The following LONRF1 variants were observed in gnomAD, a reference collection of about 807,000 sequenced individuals.
LONRF1 encodes LON peptidase N-terminal domain and RING finger protein 1.
A neutral mutation model predicts 85.8 loss-of-function variants in LONRF1; 37 were observed. The ratio of observed to expected loss-of-function variants is 0.43; its 90% confidence interval spans 0.33 to 0.57. The LOEUF (loss-of-function observed/expected upper bound fraction) is 0.57, where lower values mean the gene tolerates loss of function less well. Among genes scored for constraint, LONRF1 ranks in the 20% least tolerant of loss-of-function variants. LONRF1 has a pLI of 0.04. For missense variants in LONRF1, 1,036 were observed against 978.0 expected, an observed-to-expected ratio of 1.06 and a Z score of -0.79; for synonymous variants, 517 against 390.1, an observed-to-expected ratio of 1.33 and a Z score of -3.83.
At position 12,731,714 on chromosome 8, in the gene LONRF1, T is replaced by G. The variant is rs759984230; in HGVS notation, c.1688+22A>C. ...TATTAAAGGGTAGTAGTTCATAATTTTTTTTATGAGAAGAAACTTACTGTG... is the reference window on the plus strand; with the variant it reads ...TATTAAAGGGTAGTAGTTCATAATTGTTTTTATGAGAAGAAACTTACTGTG... On this transcript the variant is annotated intron_variant, in intron 8 of 11. Coordinates refer to ENST00000398246, the MANE Select transcript of LONRF1 (RefSeq NM_152271.5). 2.5e-6 allele frequency: 4 copies of G among 1,600,756 alleles called. No homozygotes were observed. The South Asian group carries it at 3.4e-5, about 14-fold the overall frequency.
At position 12,743,221 on chromosome 8, in the gene LONRF1, A is replaced by T. The variant is rs779379294; in HGVS notation, c.783T>A (p.Phe261Leu). 1 of 1,613,444 alleles carries T rather than the reference A, an allele frequency of 6.2e-7. No homozygotes were observed. The highest frequency in any genetic ancestry group is 1.7e-5 in the Admixed American group (1 of 59,966). Reference protein sequence around the residue: ...RAESYAGLQEFKAAIEDLNAV... With the variant: ...RAESYAGLQELKAAIEDLNAV... ...CATTTAAATCTTCTATGGCTGCTTT[A>T]AACTCTTGGAGACCAGCATATGATT... Residue 261 changes from phenylalanine to leucine, a missense_variant, in exon 2 of 12, where the codon TTT becomes TTA. Around this residue, in one of 3 missense-constraint regions of LONRF1, gnomAD observed 742 missense variants for 614.4 expected, o/e 1.21. Coordinates refer to ENST00000398246, the MANE Select transcript of LONRF1 (RefSeq NM_152271.5).
At chr8:12,723,345 A>G (rs1805999548) in intron 11 of LONRF1, 91 bp from the exon 12 acceptor site, 2 of 1,221,762 alleles carry the variant, frequency 1.6e-6, no homozygotes. Context: ...TTTATTGAGC[A>G]CTTGTACTAT....
At chr8:12,727,939 A>C (rs1798383433) in intron 10 of LONRF1, among the ~76,000 whole-genome samples, 1 of 152,208 alleles carries the variant, frequency 6.6e-6, no homozygotes, top group Non-Finnish European at 1.5e-5. Context: ...GTTTGCTTTA[A>C]TCATTTTTGT....
intron 2 of LONRF1, among the ~76,000 whole-genome samples, chr8:12,741,533 A>G (rs10098478): frequency 1.3e-5 from 2 of 152,204 alleles, no homozygotes; most frequent in African/African-American, 4.8e-5. Context: ...TTCCACACCA[A>G]GTCAGAGCTG....
Position 12,723,089 on chromosome 8 carries a change from GAGTT to G in LONRF1, c.*3_*6del. On this transcript the variant is annotated 3_prime_UTR_variant, in exon 12 of 12. Transcript: ENST00000398246. Reference sequence around the variant, plus strand: ...GGGTCACTTTAAAGGGAGATCCAAAGAGTTAGTTACTTAGATTGGTCTCTAGAAA... The same window carrying G: ...GGGTCACTTTAAAGGGAGATCCAAAGAGTTACTTAGATTGGTCTCTAGAAA... 2 of 1,606,360 alleles carry G rather than the reference GAGTT, an allele frequency of 1.2e-6. No homozygotes were observed. The highest frequency in any genetic ancestry group is 1.7e-6 in the Non-Finnish European group (2 of 1,176,106).
In LONRF1 at chr8:12,755,040, C is replaced by A; in HGVS notation, c.381G>T (p.Arg127=). 1.3e-6 allele frequency: 2 copies of A among 1,490,812 alleles called. No individual in the cohort carries two copies. The highest frequency in any genetic ancestry group is 1.8e-6 in the Non-Finnish European group (2 of 1,127,096). The allele number at this position is 1,490,812 out of a possible 1,614,324, so 92.3% of individuals were successfully genotyped here. A position where few individuals can be genotyped will look rare whatever the true frequency, so the allele number is the denominator to read the frequency against. The change falls in exon 1 of 12, where the codon CGG becomes CGT. Residue 127 remains arginine (R), a synonymous_variant. Transcript: ENST00000398246. The part of the protein sequence containing the change: ...AGGLLRCLGC[R]GFLSEPVTVP... ...CGGTCACCGGCTCGCTCAGGAAGCCCCGGCAGCCCAGGCATCTGAGGAGCC... is the reference window on the plus strand; with the variant it reads ...CGGTCACCGGCTCGCTCAGGAAGCCACGGCAGCCCAGGCATCTGAGGAGCC...
intron 1 of LONRF1, among the ~76,000 whole-genome samples, chr8:12,752,725 C>G (rs1010289003): frequency 6.6e-6 from 1 of 152,186 alleles, no homozygotes; most frequent in Admixed American, 6.5e-5. Context: ...GAATGTTAAG[C>G]TAGACCTCAA....
chr8:12,729,183 G>C lies in LONRF1; in HGVS notation c.1838C>G (p.Thr613Arg). The stretch of plus-strand genomic sequence containing the variant: ...TTCACAAAAAGCATACCTATTTTGT[G>C]TATCACTGACACACATGCCAAACTG... ...TKQFGMCVSD[T>R]QNSFADYGCM... The change falls in exon 9 of 12, where the codon ACA becomes AGA. Residue 613 changes from threonine (T) to arginine (R), a missense_variant. Transcript: ENST00000398246. 2 of 1,613,902 alleles carry C rather than the reference G, an allele frequency of 1.2e-6. No individual in the cohort carries two copies. The highest frequency in any genetic ancestry group is 1.1e-5 in the South Asian group (1 of 91,060).
rs1490998524 is a variant in LONRF1, at chr8:12,735,329, T to A, written c.1523A>T (p.Asp508Val). ...FCKNCLERCL[D>V]HAPYCPLCKE... ...GCAAAGAGGACAATATGGTGCATGA[T>A]CTAAACAACGCTCAAGACAATTCTT... Residue 508 changes from aspartate (D) to valine (V), a missense_variant, in exon 7 of 12, where the codon GAT becomes GTT. By Grantham distance (152) the Asp-to-Val change is radical. Around this residue, in one of 3 missense-constraint regions of LONRF1, gnomAD observed 29 missense variants for 62.1 expected, o/e 0.47. Coordinates refer to ENST00000398246, the MANE Select transcript of LONRF1 (RefSeq NM_152271.5). 1 of 1,608,138 alleles carries A rather than the reference T, an allele frequency of 6.2e-7. No individual in the cohort carries two copies. The highest frequency in any genetic ancestry group is 8.5e-7 in the Non-Finnish European group (1 of 1,176,540).
Position 12,740,879 on chromosome 8 carries a change from G to C in LONRF1, c.958C>G (p.Gln320Glu), listed in dbSNP as rs767089279. Residue 320 changes from glutamine (Q) to glutamate (E), a missense_variant, in exon 3 of 12, where the codon CAA (glutamine) becomes GAA (glutamate). Gln to Glu is a conservative substitution (Grantham distance 29). Coordinates refer to ENST00000398246, the MANE Select transcript of LONRF1 (RefSeq NM_152271.5). ...ATTGTTGGTAAACTGATTACCTTTT[G>C]TACTTGCAGCTTTGCAGGTGCAAAA... The part of the protein sequence containing the change: ...EDFAPAKLQV[Q>E]KILCDLLLPE... 3.7e-6 allele frequency: 6 copies of C among 1,612,232 alleles called. No individual in the cohort carries two copies. Among genetic ancestry groups the C allele is most frequent in the African/African-American group, 1.3e-5 (1 of 74,602 alleles).
intron 1 of LONRF1, among the ~76,000 whole-genome samples, chr8:12,745,660 C>G (rs1035004876): frequency 1.3e-5 from 2 of 152,182 alleles, no homozygotes; most frequent in African/African-American, 4.8e-5. Context: ...TCCATTACTG[C>G]AGGTATCTGT....
At chr8:12,745,902 C>G (rs1022203055) in intron 1 of LONRF1, among the ~76,000 whole-genome samples, 1 of 152,172 alleles carries the variant, frequency 6.6e-6, no homozygotes, top group Non-Finnish European at 1.5e-5. Context: ...TGCTAGTTGT[C>G]ATGATTTAAC....
At chr8:12,748,369 A>T (rs1799248503) in intron 1 of LONRF1, among the ~76,000 whole-genome samples, 2 of 146,404 alleles carry the variant, frequency 1.4e-5, no homozygotes, top group Admixed American at 1.4e-4. Context: ...CTAATTTTTA[A>T]ATTTTTTTGT....
At chr8:12,735,920 C>T (rs11781870) in intron 6 of LONRF1, among the ~76,000 whole-genome samples, 27,987 of 152,118 alleles carry the variant, frequency 0.18, 3,030 homozygotes, top group East Asian at 0.31. Context: ...GCAGTTGAAT[C>T]CTAATGTTAG....
Position 12,736,905 on chromosome 8 carries a change from T to C in LONRF1, c.1349A>G (p.Gln450Arg), listed in dbSNP as rs1457945459. The change falls in exon 5 of 12, where the codon CAA (glutamine) becomes CGA (arginine). Residue 450 changes from glutamine to arginine, a missense_variant. By Grantham distance (43) the Gln-to-Arg change is conservative. Coordinates refer to ENST00000398246, the MANE Select transcript of LONRF1 (RefSeq NM_152271.5). ...GTGTAGAGCAAAATTTTTACCTCCT[T>C]GTTTTTTCAGCTTATTTCTTCCATC... Reference protein sequence around the residue: ...NEDGRNKLKKQGETPNEVCMF... With the variant: ...NEDGRNKLKKRGETPNEVCMF... 1 of 1,606,258 alleles carries C rather than the reference T, an allele frequency of 6.2e-7. No individual in the cohort carries two copies. Among genetic ancestry groups the C allele is most frequent in the Non-Finnish European group, 8.5e-7 (1 of 1,176,750 alleles).
chr8:12,730,401 T>C (rs1177181437), intron 8 of LONRF1, among the ~76,000 whole-genome samples: 10 of 152,234 alleles, frequency 6.6e-5, no homozygotes, highest in Non-Finnish European at 1.5e-4. Flanking sequence ...TAAAAGCTCA[T>C]TTGTATTTTT....
chr8:12,736,159 G>A (rs937799201), intron 6 of LONRF1, among the ~76,000 whole-genome samples: 19 of 151,968 alleles, frequency 1.3e-4, no homozygotes, highest in African/African-American at 4.1e-4. Flanking sequence ...TCCTGACCCC[G>A]TATGAATCTT....
At chr8:12,724,759 T>C (rs577032011) in intron 11 of LONRF1, among the ~76,000 whole-genome samples, 21 of 152,250 alleles carry the variant, frequency 1.4e-4, no homozygotes, top group Non-Finnish European at 1.6e-4. Context: ...CTGTGATGTT[T>C]AATCAGATTC....
intron 3 of LONRF1, among the ~76,000 whole-genome samples, chr8:12,740,513 G>A (rs188349839): frequency 2.0e-5 from 3 of 152,110 alleles, no homozygotes; most frequent in Admixed American, 6.5e-5. Context: ...GCAATCCTGC[G>A]GAGTAAGCAA....
Sources: gnomAD v4.1 joint callset for allele counts (sites outside exome capture counted in the v4.1 genomes callset) on GRCh38, gnomAD v4.1.1 for gene constraint, gnomAD v4.1.1 regional missense constraint, MANE v1.5 for transcripts, NCBI Gene and HGNC (gene_info 2026-07-23, HGNC 2026-07-21) for gene names.